The following PARM1 variants were observed in gnomAD, a reference collection of about 807,000 sequenced individuals.
PARM1 encodes the protein prostate androgen-regulated mucin-like protein 1, also known as WSC4, cell wall integrity and stress response component 4 homolog.
In PARM1, 14 loss-of-function variants were observed where a neutral mutation model predicts 24.6. The ratio of observed to expected loss-of-function variants is 0.57; its 90% CI spans 0.38 to 0.89. The LOEUF is 0.89. PARM1 is among the 40% of genes least tolerant of loss of function. The pLI, the probability that PARM1 is intolerant of heterozygous loss-of-function variation, is 0.00. For missense variants in PARM1, 362 were observed against 380.4 expected, an observed-to-expected ratio of 0.95 and a Z score of 0.40; for synonymous variants, 179 against 156.6, an observed-to-expected ratio of 1.14 and a Z score of -1.07.
chr4:74,972,511 G>T (rs1356126809), intron 1 of PARM1, among the ~76,000 whole-genome samples: 1 of 152,136 alleles, frequency 6.6e-6, no homozygotes, highest in Non-Finnish European at 1.5e-5. Context: ...TTAAACATCT[G>T]CAGATGGATC....
intron 1 of PARM1, among the ~76,000 whole-genome samples, chr4:74,999,835 G>T (rs1386166052): frequency 1.3e-5 from 2 of 152,152 alleles, no homozygotes; most frequent in Non-Finnish European, 2.9e-5. Flanking sequence ...TGCTTCTTCA[G>T]CCTCCGGGAG....
chr4:74,999,566 C>T (rs941244180), intron 1 of PARM1, among the ~76,000 whole-genome samples: 1 of 152,116 alleles, frequency 6.6e-6, no homozygotes, highest in Non-Finnish European at 1.5e-5. Context: ...TCCAGTATGC[C>T]TTCCTCCATA....
chr4:75,014,180 T>C (rs528732387), intron 2 of PARM1, among the ~76,000 whole-genome samples: 1 of 152,232 alleles, frequency 6.6e-6, no homozygotes, highest in Non-Finnish European at 1.5e-5. Flanking sequence ...ACAATTGATA[T>C]ACATCCATCA....
At position 74,941,714 on chromosome 4, in the gene PARM1, A is replaced by C. The variant is rs181978264; in HGVS notation, c.43+8344A>C. Among the ~76,000 whole-genome samples the C allele has an allele frequency of 3.3e-5, 5 of 152,322 alleles. No homozygotes were observed. The East Asian group carries it at 9.6e-4, about 29-fold the overall frequency. Reference sequence around the variant, plus strand: ...GGTGGGTAATTAAGGTAACCTCGGCATCATGAAAGGGGGTGAAGAATAAGA... The same window carrying C: ...GGTGGGTAATTAAGGTAACCTCGGCCTCATGAAAGGGGGTGAAGAATAAGA... On this transcript the variant is annotated intron_variant, in intron 1 of 3. Coordinates refer to ENST00000307428, the MANE Select transcript of PARM1 (RefSeq NM_015393.4).
chr4:74,969,518 G>A (rs1216120658), intron 1 of PARM1: 2 of 152,196 alleles, frequency 1.3e-5, no homozygotes, highest in African/African-American at 4.8e-5. Context: ...TCAGAGGAAG[G>A]CAGAGAGGGC....
intron 1 of PARM1, among the ~76,000 whole-genome samples, chr4:74,964,553 GCA>G (rs35380033): frequency 6.6e-4 from 94 of 142,916 alleles, no homozygotes; most frequent in Middle Eastern, 3.5e-3. Context: ...ACCTGGCAAA[GCA>G]CACACACACA....
At chr4:74,997,403 CT>C (rs1722595559) in intron 1 of PARM1, among the ~76,000 whole-genome samples, 1 of 152,156 alleles carries the variant, frequency 6.6e-6, no homozygotes, top group Non-Finnish European at 1.5e-5. Flanking sequence ...AAATGAAGTG[CT>C]TTCCTTAATG....
intron 2 of PARM1, among the ~76,000 whole-genome samples, chr4:75,032,005 A>G (rs1200559441): frequency 6.6e-6 from 1 of 152,212 alleles, no homozygotes; most frequent in East Asian, 1.9e-4. Flanking sequence ...GAGGTTTTCC[A>G]TAAGGGGAAC....
At chr4:74,999,268 G>A (rs140470182) in intron 1 of PARM1, 1 of 152,368 alleles carries the variant, frequency 6.6e-6, no homozygotes, top group African/African-American at 2.4e-5. Context: ...AGGCAGAAAA[G>A]GAGCTGAAAG....
At chr4:74,963,919 T>C (rs919694366) in intron 1 of PARM1, among the ~76,000 whole-genome samples, 1 of 152,186 alleles carries the variant, frequency 6.6e-6, no homozygotes, top group Non-Finnish European at 1.5e-5. Flanking sequence ...CAGCAATCAT[T>C]GTAGTTAGTT....
chr4:75,041,927 G>A (rs1048603590), intron 3 of PARM1, among the ~76,000 whole-genome samples: 2 of 152,124 alleles, frequency 1.3e-5, no homozygotes, highest in African/African-American at 2.4e-5. Context: ...ATTGATTAAC[G>A]GGCTGTGAGC....
intron 1 of PARM1, among the ~76,000 whole-genome samples, chr4:74,984,493 G>A (rs925095877): frequency 6.6e-6 from 1 of 152,308 alleles, no homozygotes; most frequent in Middle Eastern, 3.4e-3. Context: ...ATAAGGAGTT[G>A]TCCTGTTTCC....
At chr4:74,983,058 T>C (rs1722289263) in intron 1 of PARM1, among the ~76,000 whole-genome samples, 1 of 152,230 alleles carries the variant, frequency 6.6e-6, no homozygotes, top group Admixed American at 6.5e-5. Context: ...CTTGTATCTA[T>C]AGTGACAACT....
At chr4:74,953,788 G>A (rs533141540) in intron 1 of PARM1, among the ~76,000 whole-genome samples, 11 of 152,018 alleles carry the variant, frequency 7.2e-5, no homozygotes, top group South Asian at 4.2e-4. Flanking sequence ...CACCACCACC[G>A]ACATCTGAGA....
At chr4:74,993,617 A>T (rs1722519543) in intron 1 of PARM1, among the ~76,000 whole-genome samples, 1 of 152,202 alleles carries the variant, frequency 6.6e-6, no homozygotes. Context: ...TATTTTTTAC[A>T]TGTCTTTAAA....
intron 1 of PARM1, among the ~76,000 whole-genome samples, chr4:74,973,254 A>G (rs1722074928): frequency 6.6e-6 from 1 of 152,216 alleles, no homozygotes; most frequent in African/African-American, 2.4e-5. Context: ...CATTATGTGT[A>G]ATATAAACTT....
chr4:74,982,097 T>C (rs1315819173), intron 1 of PARM1, among the ~76,000 whole-genome samples: 1 of 152,160 alleles, frequency 6.6e-6, no homozygotes, highest in East Asian at 1.9e-4. Context: ...ATATACATGA[T>C]GGAATACTAT....
chr4:74,934,576 C>T lies in PARM1; in HGVS notation c.43+1206C>T, dbSNP rs1721136589. The stretch of plus-strand genomic sequence containing the variant: ...CGTCCGTCTGAGAAAACCTCTTTCT[C>T]GCTGGTATCTCGGCACGGTTTGGAG... On this transcript the variant is annotated intron_variant, in intron 1 of 3. Coordinates refer to ENST00000307428, the MANE Select transcript of PARM1 (RefSeq NM_015393.4). Among the ~76,000 whole-genome samples the T allele has an allele frequency of 2.6e-5, 4 of 152,220 alleles. No homozygotes were observed. The South Asian group carries it at 6.2e-4, about 24-fold the overall frequency.
intron 1 of PARM1, among the ~76,000 whole-genome samples, chr4:75,007,223 C>T (rs928912385): frequency 2.6e-5 from 4 of 152,300 alleles, no homozygotes; most frequent in South Asian, 2.1e-4. Flanking sequence ...AGTCAGGAAA[C>T]AACAGGTGCT....
Sources: gnomAD v4.1 joint callset for allele counts (sites outside exome capture counted in the v4.1 genomes callset) on GRCh38, gnomAD v4.1.1 for gene constraint, MANE v1.5 for transcripts, NCBI Gene and HGNC (gene_info 2026-07-23, HGNC 2026-07-21) for gene names.